Variants in USH2A observed in about 807,000 individuals in gnomAD.
USH2A encodes Usher syndrome 2A (autosomal recessive, mild).
Under a neutral mutation model 538.9 loss-of-function variants are expected in USH2A, and 443 were observed. The observed-to-expected ratio is 0.82, with a 90% CI of 0.76 to 0.89. The LOEUF is 0.89. Among genes scored for constraint, USH2A ranks in the 40% least tolerant of loss-of-function variants. The pLI is 0.00. For synonymous variants in USH2A, 2,413 were observed against 2,273.5 expected, an observed-to-expected ratio of 1.06 and a Z score of -1.75; for missense variants, 6,633 against 6,324.8, an observed-to-expected ratio of 1.05 and a Z score of -1.65.
chr1:215,789,218 A>T (rs1051060873), intron 51 of USH2A, among the ~76,000 whole-genome samples: 3 of 152,216 alleles, frequency 2.0e-5, no homozygotes, highest in Non-Finnish European at 4.4e-5. Flanking sequence ...TATCTTAATC[A>T]TTCATTGATA....
At chr1:215,722,973 TGCCAGGAGTGTTCCCTGTAAATA>T (rs1659706236) in intron 61 of USH2A, among the ~76,000 whole-genome samples, 1 of 152,186 alleles carries the variant, frequency 6.6e-6, no homozygotes. Context: ...TCGCCAACCT[TGCCAGGAGTGTTCCCTGTAAATA>T]CCACCATGGA....
intron 40 of USH2A, among the ~76,000 whole-genome samples, chr1:215,897,895 T>C (rs964784550): frequency 2.0e-5 from 3 of 152,186 alleles, no homozygotes; most frequent in African/African-American, 7.2e-5. Flanking sequence ...GGCATGGAGC[T>C]GTCAACATGG....
At chr1:216,099,393 T>G (rs1262477717) in intron 21 of USH2A, among the ~76,000 whole-genome samples, 1 of 152,046 alleles carries the variant, frequency 6.6e-6, no homozygotes, top group East Asian at 1.9e-4. Flanking sequence ...TGCTACTAGA[T>G]GTATTGTTCT....
chr1:216,378,090 G>A (rs994837956), intron 3 of USH2A, among the ~76,000 whole-genome samples: 2 of 152,034 alleles, frequency 1.3e-5, no homozygotes, highest in Non-Finnish European at 2.9e-5. Flanking sequence ...AAATTTCTTG[G>A]TGGGAGAAAC....
intron 47 of USH2A, among the ~76,000 whole-genome samples, chr1:215,837,790 A>G (rs1663573403): frequency 6.6e-6 from 1 of 152,252 alleles, no homozygotes; most frequent in African/African-American, 2.4e-5. Context: ...AGGCTGGGCA[A>G]TCAGGGAAAT....
intron 47 of USH2A, among the ~76,000 whole-genome samples, chr1:215,836,466 A>T (rs1388287801): frequency 2.3e-4 from 2 of 8,722 alleles, no homozygotes; most frequent in South Asian, 2.8e-3. Context: ...TATATATATT[A>T]TATATATATA....
intron 11 of USH2A, among the ~76,000 whole-genome samples, chr1:216,288,478 C>G (rs990854163): frequency 6.6e-6 from 1 of 152,012 alleles, no homozygotes; most frequent in Non-Finnish European, 1.5e-5. Context: ...GATATTTTGT[C>G]TTGTGTGTAT....
At chr1:216,330,246 C>G (rs1213845618) in intron 4 of USH2A, among the ~76,000 whole-genome samples, 1 of 152,056 alleles carries the variant, frequency 6.6e-6, no homozygotes, top group Admixed American at 6.6e-5. Context: ...CAACAAAATA[C>G]CCTTGCTTTT....
At chr1:215,992,520 A>G (rs1202272303) in intron 35 of USH2A, among the ~76,000 whole-genome samples, 1 of 152,220 alleles carries the variant, frequency 6.6e-6, no homozygotes, top group Non-Finnish European at 1.5e-5. Flanking sequence ...TAATCTATGC[A>G]TTGTTTAAAA....
chr1:215,881,072 C>G (rs1415472752), intron 41 of USH2A, among the ~76,000 whole-genome samples: 2 of 152,174 alleles, frequency 1.3e-5, no homozygotes. Context: ...CACCATTGAA[C>G]TCCAGCCTGG....
chr1:215,631,671 C>T (rs1206144862), intron 70 of USH2A, among the ~76,000 whole-genome samples: 1 of 152,206 alleles, frequency 6.6e-6, no homozygotes, highest in African/African-American at 2.4e-5. Flanking sequence ...AATGGCTTCC[C>T]TGCTGAGGAT....
At chr1:216,239,995 C>A (rs1021402368) in intron 13 of USH2A, among the ~76,000 whole-genome samples, 86 of 117,952 alleles carry the variant, frequency 7.3e-4, no homozygotes, top group African/African-American at 2.8e-3. Flanking sequence ...CTCCTGAAAT[C>A]CCCAGAGATG....
At chr1:215,690,257 C>A (rs1658558561) in intron 61 of USH2A, among the ~76,000 whole-genome samples, 1 of 152,172 alleles carries the variant, frequency 6.6e-6, no homozygotes, top group African/African-American at 2.4e-5. Context: ...GAGTTGCTTT[C>A]CATAGACCTC....
chr1:216,227,721 T>C (rs1572068968), intron 14 of USH2A, among the ~76,000 whole-genome samples: 1 of 152,204 alleles, frequency 6.6e-6, no homozygotes, highest in East Asian at 1.9e-4. Flanking sequence ...TCTGGCTTTA[T>C]TTTGTCTATG....
At chr1:216,212,264 C>T (rs951643458) in intron 15 of USH2A, among the ~76,000 whole-genome samples, 1 of 152,094 alleles carries the variant, frequency 6.6e-6, no homozygotes, top group Non-Finnish European at 1.5e-5. Context: ...TGTCTGACTC[C>T]ACAGCATAAA....
chr1:216,190,041 T>C (rs1378582524), intron 20 of USH2A, among the ~76,000 whole-genome samples, 182 bp downstream of exon 20: 8 of 151,996 alleles, frequency 5.3e-5, no homozygotes, highest in Admixed American at 5.3e-4. Flanking sequence ...TCGTAGCTCC[T>C]AGGTACCTCT....
At chr1:215,763,503 G>A (rs1209589612) in intron 56 of USH2A, among the ~76,000 whole-genome samples, 2 of 151,774 alleles carry the variant, frequency 1.3e-5, no homozygotes, top group East Asian at 3.9e-4. Context: ...TAGAAATGTG[G>A]GCAAGGATGG....
At chr1:215,896,128 A>G (rs929990967) in intron 40 of USH2A, among the ~76,000 whole-genome samples, 2 of 152,228 alleles carry the variant, frequency 1.3e-5, no homozygotes, top group African/African-American at 2.4e-5. Context: ...AAGTTGTCTA[A>G]GTAAACCTAC....
intron 38 of USH2A, among the ~76,000 whole-genome samples, chr1:215,921,664 G>C (rs1285867585): frequency 6.6e-6 from 1 of 152,068 alleles, no homozygotes; most frequent in Non-Finnish European, 1.5e-5. Flanking sequence ...TAGAACAATA[G>C]AGTATAGTGG....
Sources: allele counts gnomAD v4.1 joint callset (sites outside exome capture counted in the v4.1 genomes callset), GRCh38; gene constraint gnomAD v4.1.1; transcripts MANE v1.5; gene names NCBI Gene and HGNC (gene_info 2026-07-23, HGNC 2026-07-21).